The following PDE3B variants were observed in gnomAD, a reference collection of about 807,000 sequenced individuals.
The protein encoded by PDE3B is phosphodiesterase 3B, also known as cGMP-inhibited 3',5'-cyclic phosphodiesterase 3B.
A neutral mutation model predicts 116.8 loss-of-function variants in PDE3B; 66 were observed. The observed-to-expected ratio is 0.56, with a 90% confidence interval of 0.46 to 0.69. PDE3B has a LOEUF of 0.69. PDE3B is among the 30% of genes least tolerant of loss of function. The probability of loss-of-function intolerance (pLI) is 0.00; values close to 1 mark genes in which losing one functional copy is unlikely to be tolerated. For synonymous variants in PDE3B, 595 were observed against 533.6 expected (o/e 1.12, Z -1.59); for missense variants, 1,384 against 1,368.1 (o/e 1.01, Z -0.18).
At chr11:14,866,333 ACTT>A (rs1378921458) in intron 14 of PDE3B, among the ~76,000 whole-genome samples, 2 of 152,270 alleles carry the variant, frequency 1.3e-5, no homozygotes, top group East Asian at 1.9e-4. Flanking sequence ...TCAGAACTAA[ACTT>A]CTTTCTCATT....
chr11:14,664,699 C>T (rs1192462114), intron 1 of PDE3B, among the ~76,000 whole-genome samples: 2 of 152,168 alleles, frequency 1.3e-5, no homozygotes, highest in African/African-American at 2.4e-5. Flanking sequence ...CACATACACC[C>T]TCCCAAGACT....
intron 12 of PDE3B, among the ~76,000 whole-genome samples, chr11:14,847,625 A>G (rs1847639542): frequency 6.6e-6 from 1 of 152,230 alleles, no homozygotes; most frequent in East Asian, 1.9e-4. Flanking sequence ...AGAAGAATCA[A>G]ATAGACGCAA....
chr11:14,695,663 T>A (rs1855185354), intron 1 of PDE3B, among the ~76,000 whole-genome samples: 2 of 152,016 alleles, frequency 1.3e-5, no homozygotes. Flanking sequence ...CCTAATGCTC[T>A]GCTTCCCCAC....
chr11:14,888,571 C>A, the PDE3B span, among the ~76,000 whole-genome samples: 4 of 152,164 alleles, frequency 2.6e-5, no homozygotes, highest in African/African-American at 4.8e-5. Flanking sequence ...TGATGCCTTT[C>A]TTGGGGCACT....
At chr11:14,790,755 A>C (rs370183600) in intron 4 of PDE3B, among the ~76,000 whole-genome samples, 8 of 152,266 alleles carry the variant, frequency 5.3e-5, no homozygotes, top group African/African-American at 1.7e-4. Flanking sequence ...ATGTACGTCT[A>C]TTTTAAAGAG....
chr11:14,837,983 T>C (rs1327985748), intron 11 of PDE3B, among the ~76,000 whole-genome samples: 3 of 151,900 alleles, frequency 2.0e-5, no homozygotes, highest in Non-Finnish European at 4.4e-5. Context: ...TTTATTTTAT[T>C]TTATTTTTTT....
At chr11:14,667,628 A>T (rs935288820) in intron 1 of PDE3B, among the ~76,000 whole-genome samples, 2 of 151,082 alleles carry the variant, frequency 1.3e-5, no homozygotes, top group African/African-American at 4.9e-5. Context: ...GATAGGTGGG[A>T]ATTGAACAAT....
At chr11:14,827,681 G>T (rs1859742172) in intron 7 of PDE3B, among the ~76,000 whole-genome samples, 1 of 152,096 alleles carries the variant, frequency 6.6e-6, no homozygotes, top group East Asian at 1.9e-4. Context: ...CAAACAAATG[G>T]AAAAACATTC....
intron 1 of PDE3B, among the ~76,000 whole-genome samples, chr11:14,749,899 C>CATATATATATATATATATAT (rs66919202): frequency 0.033 from 2,526 of 77,464 alleles, 304 homozygotes; most frequent in East Asian, 0.062. Flanking sequence ...AAATATATCC[C>CATATATATATATATATATAT]ATATATATAT....
intron 1 of PDE3B, among the ~76,000 whole-genome samples, chr11:14,661,370 C>T (rs929853379): frequency 5.3e-5 from 8 of 152,200 alleles, no homozygotes; most frequent in African/African-American, 1.4e-4. Flanking sequence ...CAGCTTCCAG[C>T]GTGAGCGACG....
chr11:14,824,965 G>A (rs911173879), intron 7 of PDE3B, among the ~76,000 whole-genome samples: 1 of 151,764 alleles, frequency 6.6e-6, no homozygotes, highest in Admixed American at 6.6e-5. Context: ...AAGAGCCTGG[G>A]CTCCTATATT....
chr11:14,887,110 A>G, the PDE3B span: 1 of 152,284 alleles, frequency 6.6e-6, no homozygotes, highest in East Asian at 1.9e-4. Context: ...CAATGCAGTA[A>G]TGTAGTCCTA....
the PDE3B span, chr11:14,891,941 C>G: frequency 1.2e-6 from 2 of 1,601,458 alleles, no homozygotes; most frequent in African/African-American, 2.7e-5. Flanking sequence ...CCCGGGCCAG[C>G]CTGGCGGCCC....
chr11:14,665,406 A>T (rs145497491), intron 1 of PDE3B, among the ~76,000 whole-genome samples: 53,646 of 152,076 alleles, frequency 0.35, 10,885 homozygotes, highest in South Asian at 0.46. Context: ...TACTGTTGGA[A>T]GTTCTAGCCA....
chr11:14,768,571 C>T (rs560403284), intron 1 of PDE3B, among the ~76,000 whole-genome samples: 74 of 151,620 alleles, frequency 4.9e-4, no homozygotes, highest in African/African-American at 1.8e-3. Flanking sequence ...CACTCCTATA[C>T]TCCATTGTAT....
intron 2 of PDE3B, chr11:14,773,783 T>C (rs889422748): frequency 2.6e-5 from 4 of 152,230 alleles, no homozygotes; most frequent in African/African-American, 9.6e-5. Flanking sequence ...CCTATTTTAA[T>C]TTCAAAATAG....
chr11:14,803,281 ATGAC>A (rs2133934028), intron 4 of PDE3B, among the ~76,000 whole-genome samples: 1 of 152,342 alleles, frequency 6.6e-6, no homozygotes, highest in East Asian at 1.9e-4. Flanking sequence ...AATATGAAGA[ATGAC>A]TGAGCATTGA....
Position 14,643,980 on chromosome 11 carries a change from G to T in PDE3B, c.-96G>T, listed in dbSNP as rs1006876066. 1.6e-5 allele frequency: 22 copies of T among 1,375,460 alleles called. No homozygotes were observed. The highest frequency in any genetic ancestry group is 2.1e-5 in the Non-Finnish European group (22 of 1,072,210). 85.2% of individuals were successfully genotyped at this position (1,375,460 alleles called of 1,614,324 possible). On this transcript the variant is annotated 5_prime_UTR_variant, in exon 1 of 16. Coordinates refer to ENST00000282096, the MANE Select transcript of PDE3B (RefSeq NM_000922.4). ...GCCCTGACGGGTTGCGAACCAGGGG[G>T]CGCCCCGAACGCGGGGGTTGGGGTC...
the PDE3B span, among the ~76,000 whole-genome samples, chr11:14,878,508 G>A: frequency 6.6e-6 from 1 of 151,786 alleles, no homozygotes; most frequent in Non-Finnish European, 1.5e-5. Flanking sequence ...GTTAGACCAC[G>A]GACTTTTGTA....
Sources: allele counts gnomAD v4.1 joint callset (sites outside exome capture counted in the v4.1 genomes callset), GRCh38; gene constraint gnomAD v4.1.1; transcripts MANE v1.5; gene names NCBI Gene and HGNC (gene_info 2026-07-23, HGNC 2026-07-21).